The following ZNF674 variants were observed in gnomAD, a reference collection of about 807,000 sequenced individuals.
ZNF674 encodes the protein zinc finger family member 674.
In ZNF674, 2 loss-of-function variants were observed where a neutral mutation model predicts 7.0. That is an observed-to-expected ratio of 0.29 (90% CI 0.12 to 0.90). The LOEUF is 0.90. ZNF674 is among the 40% of genes least tolerant of loss of function. The probability of loss-of-function intolerance (pLI) is 0.57; values close to 1 mark genes in which losing one functional copy is unlikely to be tolerated. For missense variants in ZNF674, 297 were observed against 415.5 expected, an observed-to-expected ratio of 0.71 and a Z score of 2.48; for synonymous variants, 103 against 145.2, an observed-to-expected ratio of 0.71 and a Z score of 2.09.
chrX:46,502,868 A>G lies in ZNF674; in HGVS notation c.239-1533T>C, dbSNP rs1041983481. On this transcript the variant is annotated intron_variant, in intron 5 of 5. Coordinates refer to ENST00000683375, the MANE Select transcript of ZNF674 (RefSeq NM_001190417.2). ...TGTTTATCATTACTACATCACTGTA[A>G]TAAATCTTACCCATGATTACAACTA... Among the ~76,000 whole-genome samples the G allele has an allele frequency of 1.2e-4, 14 of 112,602 alleles. 1 individual carries two copies. The highest frequency in any genetic ancestry group is 3.8e-4 in the Admixed American group (4 of 10,587).
intron 5 of ZNF674, among the ~76,000 whole-genome samples, chrX:46,516,846 A>T (rs953699799): frequency 3.6e-5 from 4 of 111,037 alleles, no homozygotes; most frequent in African/African-American, 9.8e-5. Context: ...AAACACAAAA[A>T]ATTAGCCGGG....
rs775214430 is a variant in ZNF674 at position 46,528,769 on chromosome X, G to A, written c.142+14C>T. ...TGGAGGCATTCTGCATCACCCTGTG[G>A]CGCGGTCCCTCACCCACGGACACCA... On this transcript the variant is annotated intron_variant, in intron 4 of 5. Transcript: ENST00000683375. The A allele has an allele frequency of 8.3e-7, 1 of 1,209,657 alleles. No individual in the cohort carries two copies. The highest frequency in any genetic ancestry group is 1.8e-5 in the African/African-American group (1 of 57,104).
At chrX:46,542,292 CTT>C (rs1363623048) in intron 2 of ZNF674, among the ~76,000 whole-genome samples, 176 bp from the exon 3 acceptor site, 2 of 112,059 alleles carry the variant, frequency 1.8e-5, no homozygotes, top group Non-Finnish European at 3.8e-5. Context: ...GCACATGAAA[CTT>C]TGTCTCCCTT....
intron 4 of ZNF674, 40 bp downstream of exon 4, chrX:46,528,743 C>T (rs1233481271): frequency 1.7e-6 from 2 of 1,210,361 alleles, no homozygotes; most frequent in East Asian, 3.0e-5. Flanking sequence ...AAACACAGTA[C>T]TGGAGGCATT....
chrX:46,528,329 ACTCACCTGGCCTGTC>A lies in ZNF674; in HGVS notation c.238+6_238+20del. The A allele has an allele frequency of 6.6e-6, 8 of 1,208,359 alleles. No homozygotes were observed. Among genetic ancestry groups the A allele is most frequent in the Non-Finnish European group, 9.0e-6 (8 of 893,153 alleles). On this transcript the variant is annotated splice_donor_region_variant and intron_variant, in intron 5 of 5. Transcript: ENST00000683375. ...AACCTGGTCCCTTTTCCCTGGCCTG[ACTCACCTGGCCTGTC>A]CTCACCTGCACAGGTCCGTACCGGG...
intron 3 of ZNF674, among the ~76,000 whole-genome samples, chrX:46,532,837 G>A (rs1942132676): frequency 8.9e-6 from 1 of 112,012 alleles, no homozygotes; most frequent in African/African-American, 3.2e-5. Context: ...AAAGATAGCC[G>A]ATGAGCTAAA....
At chrX:46,502,544 TA>T (rs149440110) in intron 5 of ZNF674, among the ~76,000 whole-genome samples, 9 of 107,564 alleles carry the variant, frequency 8.4e-5, no homozygotes, top group East Asian at 2.9e-4. Context: ...AGGCATTATT[TA>T]AAAAAAAAAC....
intron 5 of ZNF674, among the ~76,000 whole-genome samples, chrX:46,514,851 G>C (rs1941732334): frequency 8.9e-6 from 1 of 112,230 alleles, no homozygotes; most frequent in African/African-American, 3.2e-5. Flanking sequence ...CACTGAGCAT[G>C]TTCTTTTTGC....
intron 5 of ZNF674, among the ~76,000 whole-genome samples, chrX:46,519,345 T>C (rs1941862780): frequency 2.8e-5 from 3 of 107,011 alleles, no homozygotes; most frequent in South Asian, 8.3e-4. Flanking sequence ...TGGTGGCTCA[T>C]GCCTGGAATC....
At chrX:46,535,631 TAA>T (rs1472591789) in intron 3 of ZNF674, among the ~76,000 whole-genome samples, 1 of 112,193 alleles carries the variant, frequency 8.9e-6, no homozygotes, top group Non-Finnish European at 1.9e-5. Flanking sequence ...TTCATAGTCT[TAA>T]AAACTAAAAA....
At chrX:46,507,598 A>T (rs1941565396) in intron 5 of ZNF674, among the ~76,000 whole-genome samples, 1 of 111,537 alleles carries the variant, frequency 9.0e-6, no homozygotes, top group Admixed American at 9.6e-5. Flanking sequence ...GTATCCATGG[A>T]GGTTCTGGAA....
At chrX:46,544,903 C>T (rs754587380) in intron 1 of ZNF674, among the ~76,000 whole-genome samples, 1 of 111,406 alleles carries the variant, frequency 9.0e-6, no homozygotes, top group Non-Finnish European at 1.9e-5. Context: ...CATCAGTGAA[C>T]AAAATCTCAA....
intron 5 of ZNF674, chrX:46,525,512 G>A (rs1268065367): frequency 8.6e-6 from 1 of 115,654 alleles, no homozygotes; most frequent in Admixed American, 9.8e-5. Context: ...CTACTTGGGA[G>A]GCTGAGGCAG....
At position 46,500,576 on chromosome X, in the gene ZNF674, C is replaced by A. The variant is rs377460705; in HGVS notation, c.998G>T (p.Gly333Val). Residue 333 changes from glycine to valine, a missense_variant, in exon 6 of 6, where the codon GGT becomes GTT. Transcript: ENST00000683375. ...AAGGCTGGACGTAGTACATTTAATA[C>A]CTTTATAAAATGCTTGTCTAATGTG... The part of the protein sequence containing the change: ...KTHIRQAFYK[G>V]IKCTTSSLIY... The A allele has an allele frequency of 9.1e-6, 11 of 1,209,608 alleles. No homozygotes were observed. The African/African-American group carries it at 1.9e-4, about 21-fold the overall frequency.
At chrX:46,539,392 C>T (rs1942253573) in intron 3 of ZNF674, among the ~76,000 whole-genome samples, 1 of 112,448 alleles carries the variant, frequency 8.9e-6, no homozygotes, top group Non-Finnish European at 1.9e-5. Context: ...AGTTCTGAAT[C>T]AAAATTCATG....
intron 3 of ZNF674, among the ~76,000 whole-genome samples, chrX:46,531,479 C>G (rs1942106789): frequency 9.0e-6 from 1 of 111,515 alleles, no homozygotes; most frequent in Non-Finnish European, 1.9e-5. Context: ...GACGCTAACT[C>G]CAGGTAGATG....
In ZNF674 at chrX:46,508,326, T is replaced by C. The variant is rs987962031; in HGVS notation, c.239-6991A>G. Among the ~76,000 whole-genome samples, 19 of 111,903 alleles carry C rather than the reference T, an allele frequency of 1.7e-4. No homozygotes were observed. In the East Asian group the frequency reaches 3.9e-3, roughly 23 times the overall value. On this transcript the variant is annotated intron_variant, in intron 5 of 5. Transcript: ENST00000683375. ...ATTACAAGAAGGAAAAGTACTCAGT[T>C]TATTTTATGCAGCTAGTATAACCTT...
chrX:46,528,092 G>A (rs1365855287), intron 5 of ZNF674: 1 of 436,365 alleles, frequency 2.3e-6, no homozygotes, highest in Non-Finnish European at 4.0e-6. Flanking sequence ...CAAGCCAGGA[G>A]GCTGGAAGGT....
intron 5 of ZNF674, among the ~76,000 whole-genome samples, chrX:46,509,924 T>A (rs1941618255): frequency 9.1e-6 from 1 of 110,058 alleles, no homozygotes; most frequent in Non-Finnish European, 1.9e-5. Flanking sequence ...ATTAAGAAAA[T>A]GTGGCACATA....
Sources: allele counts gnomAD v4.1 joint callset (sites outside exome capture counted in the v4.1 genomes callset), GRCh38; gene constraint gnomAD v4.1.1; transcripts MANE v1.5; gene names NCBI Gene and HGNC (gene_info 2026-07-23, HGNC 2026-07-21).